ACTR3C: variants seen among roughly 807,000 people sequenced by gnomAD.
ACTR3C encodes the protein actin related protein 3C.
ACTR3C carries 18 observed loss-of-function variants against 26.3 expected under a neutral mutation model. That is an observed-to-expected ratio of 0.68 (90% confidence interval 0.47 to 1.01). ACTR3C has a LOEUF of 1.01. Ranked by LOEUF, ACTR3C falls within the 50% of genes least tolerant of loss-of-function variation. The pLI is 0.00. For synonymous variants in ACTR3C, 55 were observed against 94.5 expected (o/e 0.58, Z 2.42); for missense variants, 184 against 250.7 (o/e 0.73, Z 1.80).
the ACTR3C span, among the ~76,000 whole-genome samples, chr7:150,196,715 C>T: frequency 4.0e-5 from 6 of 151,832 alleles, no homozygotes; most frequent in Admixed American, 2.6e-4. Flanking sequence ...CTTGGCCTTT[C>T]TTTGGAAGTT....
At chr7:150,198,968 CG>C in the ACTR3C span, among the ~76,000 whole-genome samples, 4 of 134,182 alleles carry the variant, frequency 3.0e-5, no homozygotes, top group Non-Finnish European at 4.6e-5. Flanking sequence ...CCGCCCCGTC[CG>C]GGAGGGAGGT....
chr7:150,080,212 A>G, the ACTR3C span, among the ~76,000 whole-genome samples: 1 of 150,998 alleles, frequency 6.6e-6, no homozygotes, highest in Non-Finnish European at 1.5e-5. Flanking sequence ...CTGCACAACA[A>G]GAGGTTTGGA....
chr7:150,280,159 G>A (rs996104405), intron 6 of ACTR3C, among the ~76,000 whole-genome samples: 9 of 152,156 alleles, frequency 5.9e-5, no homozygotes, highest in Admixed American at 1.3e-4. Context: ...TACCATCCAG[G>A]TGTCCAGGCT....
At chr7:150,127,748 A>G in the ACTR3C span, among the ~76,000 whole-genome samples, 2 of 152,030 alleles carry the variant, frequency 1.3e-5, no homozygotes, top group Non-Finnish European at 2.9e-5. Context: ...ATTAAAGTAA[A>G]CCTACTTTCC....
At chr7:150,047,942 A>T in the ACTR3C span, 61 of 1,200,642 alleles carry the variant, frequency 5.1e-5, no homozygotes, top group Admixed American at 6.0e-5. Context: ...GCTCCAGATT[A>T]AAAAAAAGGC....
chr7:149,994,790 T>A, the ACTR3C span, among the ~76,000 whole-genome samples: 1 of 151,042 alleles, frequency 6.6e-6, no homozygotes, highest in African/African-American at 2.4e-5. Context: ...ACTGAATGAA[T>A]GAGTGACGAA....
At chr7:150,191,413 G>A in the ACTR3C span, among the ~76,000 whole-genome samples, 1 of 152,148 alleles carries the variant, frequency 6.6e-6, no homozygotes, top group Non-Finnish European at 1.5e-5. Context: ...ATACATTTCA[G>A]CATACATACA....
the ACTR3C span, among the ~76,000 whole-genome samples, chr7:150,146,904 A>C: frequency 6.6e-6 from 1 of 152,228 alleles, no homozygotes. Context: ...TTGAGATTGC[A>C]GGGTTTATTT....
chr7:150,199,117 C>T, the ACTR3C span, among the ~76,000 whole-genome samples: 2 of 150,458 alleles, frequency 1.3e-5, no homozygotes, highest in Non-Finnish European at 2.9e-5. Context: ...CCCAACAGCT[C>T]ATTGAGAACG....
the ACTR3C span, among the ~76,000 whole-genome samples, chr7:149,960,719 G>T: frequency 6.6e-6 from 1 of 152,072 alleles, no homozygotes; most frequent in Non-Finnish European, 1.5e-5. Context: ...ACTGCACAGG[G>T]AGGCCAGTGG....
At chr7:150,079,160 T>C in the ACTR3C span, among the ~76,000 whole-genome samples, 9 of 152,172 alleles carry the variant, frequency 5.9e-5, no homozygotes, top group African/African-American at 9.7e-5. Flanking sequence ...CCAGGTCACT[T>C]ACGTGACTTC....
chr7:149,956,278 T>A, the ACTR3C span, among the ~76,000 whole-genome samples: 1 of 152,214 alleles, frequency 6.6e-6, no homozygotes, highest in African/African-American at 2.4e-5. Flanking sequence ...GATTCCTGGC[T>A]GGGTGCAGTG....
At chr7:150,168,282 C>T in the ACTR3C span, among the ~76,000 whole-genome samples, 1 of 150,702 alleles carries the variant, frequency 6.6e-6, no homozygotes, top group Admixed American at 6.6e-5. Context: ...CCTGTCAGAT[C>T]AGCAGCGGCA....
chr7:150,158,025 G>A, the ACTR3C span, among the ~76,000 whole-genome samples: 64,101 of 151,774 alleles, frequency 0.42, 14,372 homozygotes, highest in African/African-American at 0.57. Flanking sequence ...AAAACAATAG[G>A]CAAAGGGCCT....
the ACTR3C span, among the ~76,000 whole-genome samples, chr7:150,107,352 C>G: frequency 6.6e-6 from 1 of 151,748 alleles, no homozygotes; most frequent in Non-Finnish European, 1.5e-5. Context: ...GAAGAAGACA[C>G]AGGGGGACAG....
chr7:150,040,823 T>TG, the ACTR3C span, among the ~76,000 whole-genome samples: 5 of 146,674 alleles, frequency 3.4e-5, no homozygotes, highest in Admixed American at 6.7e-5. Context: ...CACCCTGTGA[T>TG]GGGGGTCACA....
At chr7:149,961,230 C>G in the ACTR3C span, among the ~76,000 whole-genome samples, 3 of 150,008 alleles carry the variant, frequency 2.0e-5, no homozygotes, top group African/African-American at 7.4e-5. Context: ...AGGAATTGCA[C>G]AGAGGAAGGG....
intron 3 of ACTR3C, 105 bp downstream of exon 3, chr7:150,293,207 T>A (rs1836428249): frequency 6.5e-7 from 1 of 1,550,208 alleles, no homozygotes; most frequent in South Asian, 1.2e-5. Flanking sequence ...ATCATCTAAA[T>A]TGTATTTTCA....
the ACTR3C span, among the ~76,000 whole-genome samples, chr7:150,139,331 G>T: frequency 1.3e-5 from 2 of 149,726 alleles, no homozygotes; most frequent in African/African-American, 5.1e-5. Flanking sequence ...CTACGCAGAA[G>T]ACTGGCCCTG....
Sources: allele counts gnomAD v4.1 joint callset (sites outside exome capture counted in the v4.1 genomes callset), GRCh38; gene constraint gnomAD v4.1.1; transcripts MANE v1.5; gene names NCBI Gene and HGNC (gene_info 2026-07-23, HGNC 2026-07-21).